GPR37L1: variants seen among roughly 807,000 people sequenced by gnomAD.
GPR37L1 encodes the protein G protein-coupled receptor 37 like 1.
GPR37L1 carries 18 observed loss-of-function variants against 18.0 expected under a neutral mutation model. The observed-to-expected ratio is 1.00, with a 90% confidence interval of 0.69 to 1.49. The LOEUF is 1.49. Ranked by LOEUF, GPR37L1 falls within the 40% of genes most tolerant of loss-of-function variation. The pLI is 0.00. For synonymous variants in GPR37L1, 256 were observed against 273.9 expected (o/e 0.93, Z 0.65); for missense variants, 558 against 615.1 (o/e 0.91, Z 0.98).
In GPR37L1 at chr1:202,123,575, T is replaced by G. The variant is rs769962559; in HGVS notation, c.612T>G (p.Arg204=). ...KQRLLGDVSC[R]AVPFMEVSSL... ...GGCTACTGGGTGACGTTTCTTGTCG[T>G]GCCGTGCCCTTCATGGAGGTGAGTG... is the stretch of plus-strand genomic sequence containing the variant. Residue 204 remains arginine (R), a synonymous_variant, in exon 1 of 2, where the codon CGT becomes CGG. Transcript: ENST00000367282. 2.5e-6 allele frequency: 4 copies of G among 1,590,792 alleles called. No homozygotes were observed. The East Asian group carries it at 8.9e-5, about 36-fold the overall frequency.
At chr1:202,123,675 A>G (rs568454724) in intron 1 of GPR37L1, 82 bp downstream of exon 1, 3 of 1,351,666 alleles carry the variant, frequency 2.2e-6, no homozygotes, top group African/African-American at 2.9e-5. Flanking sequence ...GTCTTTGGAA[A>G]TGGAATTTGT....
rs1441414680 is a variant in GPR37L1, at chr1:202,129,507, CCCCTATG to C, written c.*955_*961del. On this transcript the variant is annotated 3_prime_UTR_variant, in exon 2 of 2. Transcript: ENST00000367282. ...AGAAACAATAAACTAGGTAGAACTA[CCCCTATG>C]CCCATCCACTTTCTTGTGCCACATT... 6.6e-6 allele frequency: 1 copy of C among 152,292 alleles called. No individual in the cohort carries two copies. Among genetic ancestry groups the C allele is most frequent in the Non-Finnish European group, 1.5e-5 (1 of 68,082 alleles). The allele number at this position is 152,292 out of a possible 1,614,324, so 9.4% of individuals were successfully genotyped here. A position where few individuals can be genotyped will look rare whatever the true frequency, so the allele number is the denominator to read the frequency against.
In GPR37L1 at chr1:202,123,328, C is replaced by T. The variant is rs368393555; in HGVS notation, c.365C>T (p.Pro122Leu). ...CTACAGATCCAGAACCCCCTGTATC[C>T]GGTGACCGAGAGCTCCTACAGTGCC... is the stretch of plus-strand genomic sequence containing the variant. ...QRLQIQNPLY[P>L]VTESSYSAYA... Residue 122 changes from proline (P) to leucine (L), a missense_variant, in exon 1 of 2, where the codon CCG becomes CTG. Pro to Leu is a moderately conservative substitution (Grantham distance 98). Transcript: ENST00000367282. The T allele has an allele frequency of 8.7e-6, 14 of 1,614,078 alleles. No homozygotes were observed. Among genetic ancestry groups the T allele is most frequent in the African/African-American group, 2.7e-5 (2 of 74,920 alleles).
In GPR37L1 at chr1:202,128,101, G is replaced by A. The variant is rs1319049078; in HGVS notation, c.991G>A (p.Val331Met). 6.2e-7 allele frequency: 1 copy of A among 1,614,124 alleles called. No individual in the cohort carries two copies. Among genetic ancestry groups the A allele is most frequent in the East Asian group, 2.2e-5 (1 of 44,880 alleles). The stretch of plus-strand genomic sequence containing the variant: ...CCTCTTCACAGTCACCTGCCAGCTG[G>A]TGACATGGCGGGTGCGAGGCCCTCC... ...PILFTVTCQL[V>M]TWRVRGPPGR... The change falls in exon 2 of 2, where the codon GTG becomes ATG. Residue 331 changes from valine (V) to methionine (M), a missense_variant. Physicochemically the swap from Val to Met is conservative, Grantham distance 21 (BLOSUM62 1). Coordinates refer to ENST00000367282, the MANE Select transcript of GPR37L1 (RefSeq NM_004767.5).
At position 202,128,214 on chromosome 1, in the gene GPR37L1, C is replaced by A; in HGVS notation, c.1104C>A (p.Tyr368Ter). ...NSTVVGLTVVYAFCTLPENVC... is the reference protein window; with the variant it reads ...NSTVVGLTVV ...CCGTGGTGGGCCTGACCGTGGTCTA[C>A]GCCTTCTGCACCCTCCCAGAGAACG... is the stretch of plus-strand genomic sequence containing the variant. Residue 368 changes from tyrosine (Y) to a stop codon, truncating the protein, a stop_gained, in exon 2 of 2, where the codon TAC becomes TAA. Coordinates refer to ENST00000367282, the MANE Select transcript of GPR37L1 (RefSeq NM_004767.5). LOFTEE classifies it low-confidence loss of function (END_TRUNC). The A allele has an allele frequency of 6.2e-7, 1 of 1,613,896 alleles. No homozygotes were observed. The highest frequency in any genetic ancestry group is 8.5e-7 in the Non-Finnish European group (1 of 1,179,980).
At chr1:202,123,655 T>G in intron 1 of GPR37L1, 62 bp downstream of exon 1, 4 of 1,434,698 alleles carry the variant, frequency 2.8e-6, no homozygotes, top group Non-Finnish European at 3.8e-6. Context: ...GGACTCAAAG[T>G]CTCCATCAGG....
chr1:202,125,164 A>AG (rs1654626317), intron 1 of GPR37L1, among the ~76,000 whole-genome samples: 1 of 151,014 alleles, frequency 6.6e-6, no homozygotes, highest in Non-Finnish European at 1.5e-5. Context: ...AAAAAAAAAA[A>AG]AAAAAAAAAA....
chr1:202,123,694 A>C (rs1341505026), intron 1 of GPR37L1, 101 bp downstream of exon 1: 2 of 1,077,034 alleles, frequency 1.9e-6, no homozygotes, highest in African/African-American at 1.6e-5. Context: ...GTGGGTGTGC[A>C]AAACCTGAGT....
rs368341491 is a variant in GPR37L1 at position 202,123,533 on chromosome 1, C to T, written c.570C>T (p.Asn190=). Residue 190 remains asparagine (N), a synonymous_variant, in exon 1 of 2, where the codon AAC becomes AAT. Transcript: ENST00000367282. ...TCTGCCTCCCTATTGTCATCTTCAA[C>T]GAGATCACCAAGCAGAGGCTACTGG... ...LFFCLPIVIF[N]EITKQRLLGD... 46 of 1,612,154 alleles carry T rather than the reference C, an allele frequency of 2.9e-5. 1 individual carries two copies. Among genetic ancestry groups the T allele is most frequent in the South Asian group, 2.6e-4 (24 of 90,806 alleles).
At chr1:202,127,411 CT>C (rs1271663065) in intron 1 of GPR37L1, among the ~76,000 whole-genome samples, 1 of 151,854 alleles carries the variant, frequency 6.6e-6, no homozygotes, top group African/African-American at 2.4e-5. Flanking sequence ...GCCTCCTAGG[CT>C]CAAGCCATCC....
Position 202,129,610 on chromosome 1 carries a change from C to A in GPR37L1, c.*1054C>A, listed in dbSNP as rs532374846. 1 of 152,354 alleles carries A rather than the reference C, an allele frequency of 6.6e-6. No homozygotes were observed. Among genetic ancestry groups the A allele is most frequent in the African/African-American group, 2.4e-5 (1 of 41,574 alleles). 9.4% of individuals were successfully genotyped at this position (152,354 alleles called of 1,614,324 possible). On this transcript the variant is annotated 3_prime_UTR_variant, in exon 2 of 2. Coordinates refer to ENST00000367282, the MANE Select transcript of GPR37L1 (RefSeq NM_004767.5). ...CTAGGAGAATTTCTCCTGACCTGGC[C>A]TGGCCTGTGGCTGATGTTCAGAACA... is the stretch of plus-strand genomic sequence containing the variant.
chr1:202,128,550 T>A lies in GPR37L1; in HGVS notation c.1440T>A (p.Pro480=), dbSNP rs1320928863. Residue 480 remains proline, a synonymous_variant, in exon 2 of 2, where the codon CCT becomes CCA. Transcript: ENST00000367282. ...CCCCACTCCTGCCCCTGGGCACACC[T>A]TGCTGAGGCCCCAGTAGGGGTGGGG... The part of the protein sequence containing the change: ...ESPPLLPLGT[P]C The A allele has an allele frequency of 1.9e-6, 3 of 1,550,284 alleles. 1 individual carries two copies. The South Asian group carries it at 3.7e-5, about 19-fold the overall frequency.
chr1:202,124,931 C>T lies in GPR37L1; in HGVS notation c.630+1338C>T, dbSNP rs567058903. Among the ~76,000 whole-genome samples, 239 of 152,076 alleles carry T rather than the reference C, an allele frequency of 1.6e-3. 1 individual carries two copies. The Middle Eastern group carries it at 0.017, about 11-fold the overall frequency. ...CTATAATCCCAGCACTTTGGGAGGC[C>T]GAGGCAGGTGGATCACTTGAGGTCA... On this transcript the variant is annotated intron_variant, in intron 1 of 1. Coordinates refer to ENST00000367282, the MANE Select transcript of GPR37L1 (RefSeq NM_004767.5).
rs1173610678 is a variant in GPR37L1, at chr1:202,133,332, T to G, written c.*4776T>G. 6.6e-6 allele frequency: 1 copy of G among 152,238 alleles called. No individual in the cohort carries two copies. The highest frequency in any genetic ancestry group is 1.5e-5 in the Non-Finnish European group (1 of 68,044). The allele number at this position is 152,238 out of a possible 1,614,324, so 9.4% of individuals were successfully genotyped here. ...TGTTGGTGCCCAGCGTGCGGGGGTG[T>G]GCTGGTGGCCCTGTGGGCCTGTAGG... On this transcript the variant is annotated 3_prime_UTR_variant, in exon 2 of 2. Transcript: ENST00000367282.
Position 202,127,990 on chromosome 1 carries a change from C to T in GPR37L1, c.880C>T (p.Leu294=). ...DSCIMKPSAS[L]PESLYSLVMT... ...ATGCATCATGAAACCCTCAGCCAGC[C>T]TGCCCGAGTCCCTGTATTCACTGGT... The change falls in exon 2 of 2, where the codon CTG becomes TTG. Residue 294 remains leucine, a synonymous_variant. Transcript: ENST00000367282. The T allele has an allele frequency of 6.2e-7, 1 of 1,614,176 alleles. No homozygotes were observed. Among genetic ancestry groups the T allele is most frequent in the South Asian group, 1.1e-5 (1 of 91,088 alleles).
In GPR37L1 at chr1:202,127,307, T is replaced by TTTCCTTCCTTCC. The variant is rs59628778; in HGVS notation, c.631-423_631-412dup. On this transcript the variant is annotated intron_variant, in intron 1 of 1. Coordinates refer to ENST00000367282, the MANE Select transcript of GPR37L1 (RefSeq NM_004767.5). ...CCTTCCTTCCTTCCTTCCTTCCTTC[T>TTTCCTTCCTTCC]TTCCTTCCTTCCTTCCTTCCTTGTT... Among the ~76,000 whole-genome samples the TTTCCTTCCTTCC allele has an allele frequency of 5.0e-5, 7 of 138,866 alleles. 1 individual carries two copies. Among genetic ancestry groups the TTTCCTTCCTTCC allele is most frequent in the African/African-American group, 1.8e-4 (7 of 37,956 alleles). The allele number at this position is 138,866 out of a possible 152,430, so 91.1% of individuals were successfully genotyped here. A position where few individuals can be genotyped will look rare whatever the true frequency, so the allele number is the denominator to read the frequency against.
Position 202,123,273 on chromosome 1 carries a change from G to T in GPR37L1, c.310G>T (p.Gly104Cys), listed in dbSNP as rs1319818125. 6.2e-7 allele frequency: 1 copy of T among 1,613,924 alleles called. No individual in the cohort carries two copies. The highest frequency in any genetic ancestry group is 8.5e-7 in the Non-Finnish European group (1 of 1,179,962). Residue 104 changes from glycine to cysteine, a missense_variant, in exon 1 of 2, where the codon GGC (glycine) becomes TGC (cysteine). Physicochemically the swap from Gly to Cys is radical, Grantham distance 159 (BLOSUM62 -3). Transcript: ENST00000367282. Reference sequence around the variant, plus strand: ...CCCAGACAGTGGGCAGGAACTGAGGGGCAATCTGACAGGAGCACCAGGGCA... The same window carrying T: ...CCCAGACAGTGGGCAGGAACTGAGGTGCAATCTGACAGGAGCACCAGGGCA... ...GTPDSGQELRGNLTGAPGQRL... is the reference protein window; with the variant it reads ...GTPDSGQELRCNLTGAPGQRL...
chr1:202,123,834 C>T (rs973857000), intron 1 of GPR37L1, among the ~76,000 whole-genome samples: 1 of 152,098 alleles, frequency 6.6e-6, no homozygotes, highest in Non-Finnish European at 1.5e-5. Context: ...TGGGTTCCAG[C>T]CCCAGCCTGA....
Position 202,131,948 on chromosome 1 carries a change from C to G in GPR37L1, c.*3392C>G, listed in dbSNP as rs1383352250. On this transcript the variant is annotated 3_prime_UTR_variant, in exon 2 of 2. Coordinates refer to ENST00000367282, the MANE Select transcript of GPR37L1 (RefSeq NM_004767.5). ...ATAGGGTCTCACTATTTTGCCCAGG[C>G]TGGTCTCAAACTCCCAGACTCAAGT... 1.3e-5 allele frequency: 2 copies of G among 152,188 alleles called. No homozygotes were observed. Among genetic ancestry groups the G allele is most frequent in the African/African-American group, 4.8e-5 (2 of 41,436 alleles). 9.4% of individuals were successfully genotyped at this position (152,188 alleles called of 1,614,324 possible). A position where few individuals can be genotyped will look rare whatever the true frequency, so the allele number is the denominator to read the frequency against.
Sources: allele counts gnomAD v4.1 joint callset (sites outside exome capture counted in the v4.1 genomes callset), GRCh38; gene constraint gnomAD v4.1.1; transcripts MANE v1.5; gene names NCBI Gene and HGNC (gene_info 2026-07-23, HGNC 2026-07-21).